The following SETDB1 variants were observed in gnomAD, a reference collection of about 807,000 sequenced individuals.
SETDB1 encodes the protein histone-lysine N-methyltransferase SETDB1.
In SETDB1, 31 loss-of-function variants were observed where a neutral mutation model predicts 137.4. The observed-to-expected ratio is 0.23, with a 90% CI of 0.17 to 0.30. The LOEUF (loss-of-function observed/expected upper bound fraction) is 0.30, where lower values mean the gene tolerates loss of function less well. SETDB1 is among the 10% of genes least tolerant of loss of function. The probability of loss-of-function intolerance (pLI) is 1.00; values close to 1 mark genes in which losing one functional copy is unlikely to be tolerated. For missense variants in SETDB1, 1,113 were observed against 1,631.5 expected (o/e 0.68, Z 5.47); for synonymous variants, 548 against 579.9 (o/e 0.95, Z 0.79).
Position 150,964,384 on chromosome 1 carries a change from C to T in SETDB1, c.*20C>T, listed in dbSNP as rs758242434. 1.3e-6 allele frequency: 2 copies of T among 1,564,444 alleles called. No homozygotes were observed. Among genetic ancestry groups the T allele is most frequent in the Non-Finnish European group, 1.8e-6 (2 of 1,135,528 alleles). ...CTTTAGAGGACAGCCTTCTTCCCAA[C>T]CCTTCTTGAACTGTCGTTTCCTCAG... On this transcript the variant is annotated 3_prime_UTR_variant, in exon 22 of 22. Coordinates refer to ENST00000692827, the MANE Select transcript of SETDB1 (RefSeq NM_001366418.1).
rs587733144 is a variant in SETDB1, at chr1:150,942,328, T to A, written c.548-235T>A. ...GTGGTGCCACCTTGCGTGCCTGTAG[T>A]CCCAGCTACTCGGGAGGCTGAGGCA... On this transcript the variant is annotated intron_variant, in intron 5 of 21. Transcript: ENST00000692827. 6.7e-5 allele frequency among the ~76,000 whole-genome samples: 10 copies of A among 150,248 alleles called. No homozygotes were observed. In the South Asian group the frequency reaches 2.1e-3, roughly 32 times the overall value.
chr1:150,931,996 A>G (rs1669774358), intron 3 of SETDB1, among the ~76,000 whole-genome samples: 1 of 151,718 alleles, frequency 6.6e-6, no homozygotes, highest in Admixed American at 6.6e-5. Context: ...GTTTTTTTAG[A>G]TGTTAAACCA....
chr1:150,927,646 CTATT>C, intron 1 of SETDB1, 54 bp from the exon 2 acceptor site: 1 of 1,486,324 alleles, frequency 6.7e-7, no homozygotes, highest in East Asian at 2.3e-5. Context: ...CTGAAATTCT[CTATT>C]GATTGATTGT....
At position 150,927,780 on chromosome 1, in the gene SETDB1, T is replaced by A; in HGVS notation, c.66T>A (p.Ile22=). The part of the protein sequence containing the change: ...AATATVESEE[I]AELQQAVVEE... ...CAGCTACAGTGGAGTCTGAAGAGAT[T>A]GCAGAGCTGCAACAGGCAGTGGTTG... is the stretch of plus-strand genomic sequence containing the variant. Residue 22 remains isoleucine, a synonymous_variant, in exon 2 of 22, where the codon ATT becomes ATA. Coordinates refer to ENST00000692827, the MANE Select transcript of SETDB1 (RefSeq NM_001366418.1). 3 of 1,614,168 alleles carry A rather than the reference T, an allele frequency of 1.9e-6. No homozygotes were observed. Among genetic ancestry groups the A allele is most frequent in the Non-Finnish European group, 2.5e-6 (3 of 1,180,004 alleles).
At chr1:150,951,164 T>G in intron 13 of SETDB1, 74 bp downstream of exon 13, 2 of 1,479,766 alleles carry the variant, frequency 1.4e-6, no homozygotes, top group Non-Finnish European at 1.8e-6. Flanking sequence ...TTCCTTTGCC[T>G]TGTATCTGTA....
intron 9 of SETDB1, chr1:150,945,324 G>T: frequency 7.0e-7 from 1 of 1,424,814 alleles, no homozygotes. Flanking sequence ...ATACGAATCT[G>T]CATGGTTTTG....
chr1:150,951,606 A>T, intron 14 of SETDB1, 125 bp downstream of exon 14: 2 of 553,132 alleles, frequency 3.6e-6, no homozygotes, highest in Admixed American at 6.6e-5. Flanking sequence ...CAGATGAGGC[A>T]TTTTATTAAT....
intron 3 of SETDB1, among the ~76,000 whole-genome samples, chr1:150,931,345 G>A (rs914951360): frequency 1.3e-5 from 2 of 148,574 alleles, no homozygotes; most frequent in African/African-American, 4.9e-5. Flanking sequence ...CAGCACTTTG[G>A]GAGGCCAAGG....
chr1:150,931,832 A>G (rs1669769111), intron 3 of SETDB1, among the ~76,000 whole-genome samples: 1 of 150,982 alleles, frequency 6.6e-6, no homozygotes, highest in Non-Finnish European at 1.5e-5. Flanking sequence ...TTTTCTATAG[A>G]TGTCATTTAT....
intron 9 of SETDB1, chr1:150,945,368 A>G (rs1670293129): frequency 1.6e-6 from 2 of 1,279,372 alleles, no homozygotes; most frequent in South Asian, 3.3e-5. Flanking sequence ...GAGTATTCAC[A>G]TTGTGTGTAG....
intron 4 of SETDB1, 75 bp downstream of exon 4, chr1:150,940,049 A>G (rs1670083825): frequency 1.8e-6 from 2 of 1,109,060 alleles, no homozygotes; most frequent in Non-Finnish European, 2.7e-6. Context: ...TAACCATTTA[A>G]TCAGTTTAGC....
At chr1:150,927,230 A>G (rs1041588870) in intron 1 of SETDB1, among the ~76,000 whole-genome samples, 3 of 152,146 alleles carry the variant, frequency 2.0e-5, no homozygotes, top group African/African-American at 7.2e-5. Flanking sequence ...GGCTCAAGCG[A>G]TCCTCCCACT....
intron 3 of SETDB1, among the ~76,000 whole-genome samples, chr1:150,937,386 A>G (rs587684219): frequency 3.9e-5 from 6 of 152,250 alleles, no homozygotes; most frequent in African/African-American, 1.4e-4. Flanking sequence ...CAAAATGAAA[A>G]GAGTTCTGGA....
chr1:150,932,123 T>C (rs981712975), intron 3 of SETDB1, among the ~76,000 whole-genome samples: 1 of 151,920 alleles, frequency 6.6e-6, no homozygotes. Flanking sequence ...CTGTGACTCA[T>C]GCCTGAAATC....
At chr1:150,961,308 C>T (rs1017672894) in intron 16 of SETDB1, 117 bp downstream of exon 16, 19 of 1,092,540 alleles carry the variant, frequency 1.7e-5, no homozygotes, top group Middle Eastern at 3.0e-4. Flanking sequence ...TTTCTGTGGC[C>T]ACCTCGTTAT....
intron 3 of SETDB1, among the ~76,000 whole-genome samples, chr1:150,932,446 C>A (rs1363896040): frequency 6.6e-6 from 1 of 151,880 alleles, no homozygotes; most frequent in African/African-American, 2.4e-5. Context: ...TAGGCTTGGA[C>A]TTTTCTTTGT....
At chr1:150,957,868 C>T (rs759273867) in intron 14 of SETDB1, among the ~76,000 whole-genome samples, 49 of 151,856 alleles carry the variant, frequency 3.2e-4, no homozygotes, top group Non-Finnish European at 6.8e-4. Context: ...TGCGCCTGGC[C>T]CAAATTCTTA....
At chr1:150,955,290 A>G (rs1482743754) in intron 14 of SETDB1, among the ~76,000 whole-genome samples, 6 of 152,336 alleles carry the variant, frequency 3.9e-5, no homozygotes, top group East Asian at 1.9e-4. Flanking sequence ...AATAATCACA[A>G]ATAATATATC....
At chr1:150,926,640 G>C (rs923107359) in intron 1 of SETDB1, 123 bp downstream of exon 1, 2 of 467,848 alleles carry the variant, frequency 4.3e-6, no homozygotes, top group African/African-American at 4.0e-5. Flanking sequence ...GGGCGGGGCT[G>C]AACTGGGTTT....
Sources: gnomAD v4.1 joint callset for allele counts (sites outside exome capture counted in the v4.1 genomes callset) on GRCh38, gnomAD v4.1.1 for gene constraint, MANE v1.5 for transcripts, NCBI Gene and HGNC (gene_info 2026-07-23, HGNC 2026-07-21) for gene names.